The following RERE variants were observed in gnomAD, a reference collection of about 807,000 sequenced individuals.
The protein encoded by RERE is arginine-glutamic acid dipeptide repeats protein.
Under a neutral mutation model 146.1 loss-of-function variants are expected in RERE, and 40 were observed. The observed-to-expected ratio is 0.27, with a 90% CI of 0.21 to 0.36. RERE has a LOEUF of 0.36. Among genes scored for constraint, RERE ranks in the 10% least tolerant of loss-of-function variants. RERE has a pLI of 1.00. For synonymous variants in RERE, 1,003 were observed against 866.0 expected (o/e 1.16, Z -2.78); for missense variants, 1,933 against 2,138.7 (o/e 0.90, Z 1.90).
chr1:8,647,200 C>T (rs1647354215), intron 2 of RERE, among the ~76,000 whole-genome samples: 3 of 152,202 alleles, frequency 2.0e-5, no homozygotes, highest in African/African-American at 7.2e-5. Context: ...ACAGCCACAG[C>T]ATCCCTAACA....
chr1:8,550,604 T>C (rs1645922162), intron 6 of RERE, among the ~76,000 whole-genome samples: 1 of 152,212 alleles, frequency 6.6e-6, no homozygotes, highest in African/African-American at 2.4e-5. Context: ...TGGAGTGCAG[T>C]GGCACGATCT....
chr1:8,443,842 G>T (rs1644283946), intron 11 of RERE, among the ~76,000 whole-genome samples: 1 of 152,222 alleles, frequency 6.6e-6, no homozygotes. Context: ...TGTTAAGTCT[G>T]CAGGTGTACA....
intron 12 of RERE, among the ~76,000 whole-genome samples, chr1:8,367,897 T>A (rs1349991513): frequency 6.6e-6 from 1 of 152,222 alleles, no homozygotes; most frequent in Non-Finnish European, 1.5e-5. Context: ...CGGAAAAGAT[T>A]CGTAAATCCC....
In RERE at chr1:8,423,730, G is replaced by A; in HGVS notation, c.1204-923C>T. On this transcript the variant is annotated intron_variant, in intron 11 of 22. Coordinates refer to ENST00000400908, the MANE Select transcript of RERE (RefSeq NM_001042681.2). The surrounding 1 kb of genome is among the most constrained non-coding windows in gnomAD (Gnocchi z 5.4). ...CGTGTGACCGCGGCGGGGCCGCGCGGCGCGGGGCCCGGGGGGCGCGGGGCT... is the reference window on the plus strand; with the variant it reads ...CGTGTGACCGCGGCGGGGCCGCGCGACGCGGGGCCCGGGGGGCGCGGGGCT... The A allele has an allele frequency of 1.0e-6, 1 of 977,382 alleles. No homozygotes were observed. Among genetic ancestry groups the A allele is most frequent in the African/African-American group, 1.8e-5 (1 of 56,696 alleles). The allele number at this position is 977,382 out of a possible 1,614,324, so 60.5% of individuals were successfully genotyped here.
chr1:8,432,970 TAAAGG>T (rs530618662), intron 11 of RERE, among the ~76,000 whole-genome samples: 38 of 152,348 alleles, frequency 2.5e-4, no homozygotes, highest in Admixed American at 9.1e-4. Flanking sequence ...TAAGATACTT[TAAAGG>T]AAAGTTTACA....
intron 12 of RERE, among the ~76,000 whole-genome samples, chr1:8,384,590 T>C (rs1570107783): frequency 6.6e-6 from 1 of 152,190 alleles, no homozygotes; most frequent in Non-Finnish European, 1.5e-5. Flanking sequence ...GAGTGATGAA[T>C]ATCTGAACTG....
At position 8,364,689 on chromosome 1, in the gene RERE, G is replaced by A. The variant is rs902668398; in HGVS notation, c.1540+57C>T. On this transcript the variant is annotated intron_variant, in intron 14 of 22. Transcript: ENST00000400908. The surrounding 1 kb of genome is among the most constrained non-coding windows in gnomAD (Gnocchi z 5.1). Reference sequence around the variant, plus strand: ...TCCAGCTGGATGCATGAAATGTTCAGAACATGGAAGTGCTTGTGCCCCCGC... The same window carrying A: ...TCCAGCTGGATGCATGAAATGTTCAAAACATGGAAGTGCTTGTGCCCCCGC... The A allele has an allele frequency of 2.4e-6, 3 of 1,268,424 alleles. No homozygotes were observed. Among genetic ancestry groups the A allele is most frequent in the African/African-American group, 2.9e-5 (2 of 68,360 alleles). The allele number at this position is 1,268,424 out of a possible 1,614,324, so 78.6% of individuals were successfully genotyped here. A position where few individuals can be genotyped will look rare whatever the true frequency, so the allele number is the denominator to read the frequency against.
chr1:8,368,925 C>T (rs1362623583), intron 12 of RERE, among the ~76,000 whole-genome samples: 1 of 151,828 alleles, frequency 6.6e-6, no homozygotes, highest in African/African-American at 2.4e-5. Context: ...ATTATCTGGG[C>T]ATGGTGGTGT....
chr1:8,599,146 G>A (rs1646590936), intron 4 of RERE, among the ~76,000 whole-genome samples: 1 of 152,194 alleles, frequency 6.6e-6, no homozygotes. Context: ...ACACTGGGAT[G>A]AGACACAACA....
At chr1:8,378,872 C>T (rs898499017) in intron 12 of RERE, among the ~76,000 whole-genome samples, 2 of 152,154 alleles carry the variant, frequency 1.3e-5, no homozygotes, top group Admixed American at 1.3e-4. Flanking sequence ...GGCTGTGAGA[C>T]GGGGCTCATG....
chr1:8,685,552 T>C (rs2124406073), intron 1 of RERE, among the ~76,000 whole-genome samples: 1 of 152,212 alleles, frequency 6.6e-6, no homozygotes, highest in East Asian at 1.9e-4. Context: ...AAACCCTGTC[T>C]CTACTAAAAA....
At chr1:8,639,063 G>T (rs542314209) in intron 2 of RERE, among the ~76,000 whole-genome samples, 10 of 152,150 alleles carry the variant, frequency 6.6e-5, no homozygotes, top group African/African-American at 2.4e-4. Flanking sequence ...GTGAGCCACC[G>T]CGCCCAGCCA....
intron 4 of RERE, among the ~76,000 whole-genome samples, chr1:8,576,996 C>T (rs953108522): frequency 2.2e-4 from 33 of 151,982 alleles, no homozygotes; most frequent in Admixed American, 2.1e-3. Context: ...GGTGAAACCC[C>T]GTCTCTACTA....
At chr1:8,755,556 G>A (rs1174930238) in intron 1 of RERE, among the ~76,000 whole-genome samples, 1 of 152,138 alleles carries the variant, frequency 6.6e-6, no homozygotes, top group East Asian at 1.9e-4. Context: ...AAGCTTCATG[G>A]ACAATCCACC....
intron 6 of RERE, among the ~76,000 whole-genome samples, chr1:8,542,101 A>AT (rs1366527488): frequency 2.0e-5 from 3 of 152,164 alleles, no homozygotes; most frequent in African/African-American, 7.2e-5. Context: ...CAGAAGCATT[A>AT]TATCACGTGG....
intron 10 of RERE, among the ~76,000 whole-genome samples, chr1:8,469,454 T>TA (rs1217312848): frequency 1.3e-5 from 2 of 151,992 alleles, no homozygotes; most frequent in Non-Finnish European, 2.9e-5. Flanking sequence ...GCATCCCTAC[T>TA]AAAAAACTAT....
chr1:8,367,894 G>C (rs1326578469), intron 12 of RERE, among the ~76,000 whole-genome samples: 1 of 152,212 alleles, frequency 6.6e-6, no homozygotes. Flanking sequence ...AGACGGAAAA[G>C]ATTCGTAAAT....
In RERE at chr1:8,533,368, G is replaced by A. The variant is rs764079330; in HGVS notation, c.830+7846C>T. 1.5e-4 allele frequency among the ~76,000 whole-genome samples: 23 copies of A among 152,102 alleles called. 1 individual carries two copies. The highest frequency in any genetic ancestry group is 3.4e-4 in the African/African-American group (14 of 41,408). ...GAAGCTTCCAGTATTTGAAGTTCTC[G>A]GGTGTGTCTTGCTGTTTGTCTCATC... On this transcript the variant is annotated intron_variant, in intron 7 of 22. Coordinates refer to ENST00000400908, the MANE Select transcript of RERE (RefSeq NM_001042681.2).
At chr1:8,680,332 A>G (rs1468330459) in intron 1 of RERE, among the ~76,000 whole-genome samples, 2 of 152,234 alleles carry the variant, frequency 1.3e-5, no homozygotes, top group Non-Finnish European at 1.5e-5. Flanking sequence ...GGGAAAGGTC[A>G]GCCATCTGCC....
Sources: allele counts gnomAD v4.1 joint callset (sites outside exome capture counted in the v4.1 genomes callset), GRCh38; gene constraint gnomAD v4.1.1; non-coding constraint Gnocchi (gnomAD v3.1); transcripts MANE v1.5; gene names NCBI Gene and HGNC (gene_info 2026-07-23, HGNC 2026-07-21).